GREB1L: variants seen among roughly 807,000 people sequenced by gnomAD.
The protein encoded by GREB1L is GREB1-like protein.
Under a neutral mutation model 200.8 loss-of-function variants are expected in GREB1L, and 17 were observed. The ratio of observed to expected loss-of-function variants is 0.08; its 90% confidence interval spans 0.06 to 0.13. The LOEUF is 0.13. Among genes scored for constraint, GREB1L ranks in the 10% least tolerant of loss-of-function variants. The pLI, the probability that GREB1L is intolerant of heterozygous loss-of-function variation, is 1.00. For missense variants in GREB1L, 1,657 were observed against 2,367.7 expected (o/e 0.70, Z 6.23); for synonymous variants, 789 against 893.0 (o/e 0.88, Z 2.08).
intron 1 of GREB1L, among the ~76,000 whole-genome samples, chr18:21,358,548 C>G (rs571329591): frequency 1.5e-3 from 232 of 152,302 alleles, no homozygotes; most frequent in Non-Finnish European, 2.9e-3. Context: ...ATCTCCTGAC[C>G]TCGTGATCCG....
chr18:21,250,069 G>A (rs2037676765), intron 1 of GREB1L, among the ~76,000 whole-genome samples: 1 of 152,138 alleles, frequency 6.6e-6, no homozygotes, highest in East Asian at 1.9e-4. Flanking sequence ...ACAAAGAGGT[G>A]AGGGACTGAG....
intron 10 of GREB1L, among the ~76,000 whole-genome samples, chr18:21,443,619 A>G (rs1291184169): frequency 6.6e-6 from 1 of 152,234 alleles, no homozygotes; most frequent in Non-Finnish European, 1.5e-5. Context: ...CATGTTTTGC[A>G]AACTCATCAG....
At chr18:21,280,207 C>T (rs2038244925) in intron 1 of GREB1L, among the ~76,000 whole-genome samples, 1 of 152,194 alleles carries the variant, frequency 6.6e-6, no homozygotes, top group Admixed American at 6.5e-5. Context: ...GTTCATTCCT[C>T]TCTCCCTCCC....
intron 1 of GREB1L, among the ~76,000 whole-genome samples, chr18:21,269,161 G>A (rs1305084959): frequency 2.0e-5 from 3 of 152,116 alleles, no homozygotes; most frequent in Non-Finnish European, 4.4e-5. Context: ...GAAAACTAGA[G>A]TGCAAAGCGA....
intron 15 of GREB1L, among the ~76,000 whole-genome samples, chr18:21,458,237 C>G (rs561448609): frequency 6.6e-6 from 1 of 152,232 alleles, no homozygotes; most frequent in African/African-American, 2.4e-5. Context: ...TCCCAAAGTG[C>G]TGGGATTACA....
chr18:21,378,882 C>CG (rs1339184579), intron 2 of GREB1L, among the ~76,000 whole-genome samples: 571 of 145,536 alleles, frequency 3.9e-3, no homozygotes, highest in Non-Finnish European at 5.6e-3. Context: ...TTTTTTTTTT[C>CG]GGGGGGGGAC....
chr18:21,404,466 A>G (rs765297471), intron 7 of GREB1L, among the ~76,000 whole-genome samples: 9 of 152,218 alleles, frequency 5.9e-5, no homozygotes, highest in Non-Finnish European at 7.3e-5. Flanking sequence ...TCTAGTTTCT[A>G]GTGATACAAG....
At chr18:21,288,598 T>C (rs2144550238) in intron 1 of GREB1L, among the ~76,000 whole-genome samples, 1 of 152,358 alleles carries the variant, frequency 6.6e-6, no homozygotes, top group Non-Finnish European at 1.5e-5. Context: ...GAAATAACTA[T>C]TTCCCTTTTA....
At chr18:21,347,501 GC>G (rs2039365435) in intron 1 of GREB1L, among the ~76,000 whole-genome samples, 1 of 151,330 alleles carries the variant, frequency 6.6e-6, no homozygotes, top group Admixed American at 6.6e-5. Context: ...TGTCGCTCAG[GC>G]TGGAGTGTAA....
At chr18:21,490,426 C>A (rs972881410) in intron 19 of GREB1L, 75 bp downstream of exon 19, 2 of 1,293,592 alleles carry the variant, frequency 1.5e-6, no homozygotes, top group African/African-American at 3.0e-5. Flanking sequence ...ATAGGTGGCT[C>A]AGGGGCCTGA....
At chr18:21,247,092 G>A (rs2037616437) in intron 1 of GREB1L, among the ~76,000 whole-genome samples, 1 of 152,114 alleles carries the variant, frequency 6.6e-6, no homozygotes, top group South Asian at 2.1e-4. Flanking sequence ...GTGCTGTTGA[G>A]CCCCAGGAGG....
chr18:21,307,226 T>A (rs1055041909), intron 1 of GREB1L, among the ~76,000 whole-genome samples: 7 of 152,220 alleles, frequency 4.6e-5, no homozygotes, highest in Admixed American at 4.6e-4. Flanking sequence ...TTCTGCTACA[T>A]TCTCTCACAA....
At chr18:21,394,248 T>TG (rs1447544684) in intron 4 of GREB1L, among the ~76,000 whole-genome samples, 2 of 152,224 alleles carry the variant, frequency 1.3e-5, no homozygotes, top group African/African-American at 4.8e-5. Context: ...GTGGCCCAGT[T>TG]GGATCAGGTC....
intron 30 of GREB1L, among the ~76,000 whole-genome samples, chr18:21,517,754 C>T (rs2037469881): frequency 1.3e-5 from 2 of 152,150 alleles, no homozygotes; most frequent in African/African-American, 4.8e-5. Context: ...CTGTAAAAGG[C>T]TTCCGATTGG....
At chr18:21,499,261 A>AC (rs1291401867) in intron 21 of GREB1L, among the ~76,000 whole-genome samples, 1 of 152,176 alleles carries the variant, frequency 6.6e-6, no homozygotes, top group East Asian at 1.9e-4. Flanking sequence ...CAGAGGGCAG[A>AC]CCCAAACCAG....
chr18:21,508,065 T>C, intron 25 of GREB1L, 53 bp from the exon 26 acceptor site: 1 of 1,516,204 alleles, frequency 6.6e-7, no homozygotes, highest in Non-Finnish European at 8.9e-7. Flanking sequence ...GCCTGGAAGT[T>C]TGGAAACTGT....
intron 19 of GREB1L, among the ~76,000 whole-genome samples, chr18:21,492,419 A>G (rs946468421): frequency 2.6e-5 from 4 of 152,252 alleles, no homozygotes; most frequent in Non-Finnish European, 5.9e-5. Context: ...AGTCTCCCAC[A>G]TCTGTTGCCA....
At chr18:21,490,388 A>G (rs2036285771) in intron 19 of GREB1L, 37 bp downstream of exon 19, 23 of 1,506,912 alleles carry the variant, frequency 1.5e-5, no homozygotes, top group Non-Finnish European at 2.0e-5. Flanking sequence ...TTAAAATACC[A>G]TTTGTTTCTC....
chr18:21,474,283 C>T (rs2035598042), intron 16 of GREB1L, among the ~76,000 whole-genome samples: 1 of 152,206 alleles, frequency 6.6e-6, no homozygotes, highest in Admixed American at 6.5e-5. Context: ...AAGTTAGTTA[C>T]TTCCTAGATA....
Sources: allele counts gnomAD v4.1 joint callset (sites outside exome capture counted in the v4.1 genomes callset), GRCh38; gene constraint gnomAD v4.1.1; transcripts MANE v1.5; gene names NCBI Gene and HGNC (gene_info 2026-07-23, HGNC 2026-07-21).